FMN1: variants seen among roughly 807,000 people sequenced by gnomAD.
FMN1 encodes the protein formin-1.
In FMN1, 110 loss-of-function variants were observed where a neutral mutation model predicts 132.4. The observed-to-expected ratio is 0.83, with a 90% CI of 0.71 to 0.97. The LOEUF is 0.97. FMN1 is among the 50% of genes least tolerant of loss of function. FMN1 has a pLI of 0.00. For synonymous variants in FMN1, 722 were observed against 651.7 expected (o/e 1.11, Z -1.64); for missense variants, 1,792 against 1,705.3 (o/e 1.05, Z -0.90).
chr15:33,091,408 G>C (rs1420175584), intron 4 of FMN1, among the ~76,000 whole-genome samples: 1 of 152,042 alleles, frequency 6.6e-6, no homozygotes. Context: ...CAATGTCAAG[G>C]TGAAAGTTAT....
At chr15:33,183,115 T>C (rs774418945) in intron 2 of FMN1, among the ~76,000 whole-genome samples, 3 of 152,236 alleles carry the variant, frequency 2.0e-5, no homozygotes, top group Non-Finnish European at 4.4e-5. Context: ...CTCTTTCCTC[T>C]ATTACTTCCA....
chr15:33,174,554 C>T (rs1404335511), intron 3 of FMN1, among the ~76,000 whole-genome samples: 2 of 152,176 alleles, frequency 1.3e-5, no homozygotes, highest in African/African-American at 2.4e-5. Flanking sequence ...ATAAATTTTT[C>T]GTTTCAAATA....
At chr15:32,810,850 GT>G (rs1172661072) in intron 17 of FMN1, 1 of 408,794 alleles carries the variant, frequency 2.4e-6, no homozygotes, top group Non-Finnish European at 4.9e-6. Flanking sequence ...ATATACCATG[GT>G]TTATGGACCT....
intron 5 of FMN1, chr15:33,066,423 C>A: frequency 9.2e-7 from 1 of 1,081,518 alleles, no homozygotes; most frequent in Non-Finnish European, 1.3e-6. Context: ...CACTAACAGG[C>A]AACTAGGATT....
intron 9 of FMN1, among the ~76,000 whole-genome samples, chr15:32,954,180 T>TA (rs1238534186): frequency 6.6e-6 from 1 of 152,166 alleles, no homozygotes; most frequent in East Asian, 1.9e-4. Flanking sequence ...CCCCACTACA[T>TA]AAAAAACTTG....
chr15:32,789,961 G>GT (rs1356073817), intron 19 of FMN1, among the ~76,000 whole-genome samples: 1 of 152,210 alleles, frequency 6.6e-6, no homozygotes, highest in Non-Finnish European at 1.5e-5. Flanking sequence ...CTAGGTTTGT[G>GT]TAAGTACACT....
In FMN1 at chr15:33,140,101, C is replaced by A. The variant is rs7181996; in HGVS notation, c.1867+12947G>T. ...GATTAAAAATAAATCCTGATGATGC[C>A]ACTAAGCAGCAATATCCCTGAAAGA... On this transcript the variant is annotated intron_variant, in intron 4 of 20. Transcript: ENST00000616417. Among the ~76,000 whole-genome samples, 568 of 151,654 alleles carry A rather than the reference C, an allele frequency of 3.7e-3. 4 individuals are homozygous for A. Among genetic ancestry groups the A allele is most frequent in the African/African-American group, 0.013 (541 of 41,272 alleles).
intron 17 of FMN1, among the ~76,000 whole-genome samples, chr15:32,813,472 T>C (rs2057955665): frequency 6.6e-6 from 1 of 152,210 alleles, no homozygotes; most frequent in Non-Finnish European, 1.5e-5. Flanking sequence ...TGCCCCAAGG[T>C]AAGTCTTTCA....
At chr15:32,777,004 T>C in intron 19 of FMN1, 85 bp from the exon 20 acceptor site, 1 of 791,690 alleles carries the variant, frequency 1.3e-6, no homozygotes, top group Non-Finnish European at 2.1e-6. Flanking sequence ...TTAAGGCAGG[T>C]TAAACATAAA....
At chr15:32,926,500 C>T (rs996479163) in intron 9 of FMN1, among the ~76,000 whole-genome samples, 5 of 152,176 alleles carry the variant, frequency 3.3e-5, no homozygotes, top group Admixed American at 6.5e-5. Flanking sequence ...CTAATACAAA[C>T]GCTAAATCTT....
At chr15:33,115,019 T>C (rs1045794977) in intron 4 of FMN1, among the ~76,000 whole-genome samples, 3 of 152,302 alleles carry the variant, frequency 2.0e-5, no homozygotes, top group Admixed American at 2.0e-4. Context: ...CATGTATTGA[T>C]TTTATAGAGT....
chr15:33,192,004 G>A (rs1404402559), intron 2 of FMN1, among the ~76,000 whole-genome samples: 1 of 152,174 alleles, frequency 6.6e-6, no homozygotes, highest in Non-Finnish European at 1.5e-5. Context: ...GTCCCAAAAA[G>A]AGATTATGAA....
chr15:33,011,843 G>T (rs147059684), intron 6 of FMN1, among the ~76,000 whole-genome samples: 372 of 152,240 alleles, frequency 2.4e-3, no homozygotes, highest in African/African-American at 8.0e-3. Context: ...GTTAAAAGGT[G>T]CTCCTTATTA....
chr15:33,104,976 T>TC (rs1453812407), intron 4 of FMN1, among the ~76,000 whole-genome samples: 1 of 152,082 alleles, frequency 6.6e-6, no homozygotes, highest in Non-Finnish European at 1.5e-5. Flanking sequence ...AATGACCCTC[T>TC]CCCTCTCCAA....
At chr15:33,134,869 G>T (rs1326765831) in intron 4 of FMN1, among the ~76,000 whole-genome samples, 1 of 152,158 alleles carries the variant, frequency 6.6e-6, no homozygotes, top group Non-Finnish European at 1.5e-5. Flanking sequence ...AGGCGTGGTG[G>T]CTTATGCCTG....
intron 10 of FMN1, among the ~76,000 whole-genome samples, chr15:32,914,000 A>G (rs1188532694): frequency 6.6e-6 from 1 of 152,138 alleles, no homozygotes; most frequent in East Asian, 1.9e-4. Flanking sequence ...GCTTCTTCCC[A>G]ATTTGACCCT....
chr15:32,867,787 G>A lies in FMN1; in HGVS notation c.3836-10680C>T, dbSNP rs112394812. Among the ~76,000 whole-genome samples the A allele has an allele frequency of 7.4e-3, 1,128 of 152,260 alleles. 18 individuals are homozygous for A. Among genetic ancestry groups the A allele is most frequent in the African/African-American group, 0.022 (904 of 41,558 alleles). ...ATTACAGGCGTGAGCCACCGCGCCCGGCCATCAGGATTTCTTTTCCACCTT... is the reference window on the plus strand; with the variant it reads ...ATTACAGGCGTGAGCCACCGCGCCCAGCCATCAGGATTTCTTTTCCACCTT... On this transcript the variant is annotated intron_variant, in intron 16 of 20. Transcript: ENST00000616417.
intron 2 of FMN1, among the ~76,000 whole-genome samples, chr15:33,191,551 T>TA (rs1473366202): frequency 1.3e-5 from 2 of 152,218 alleles, no homozygotes; most frequent in African/African-American, 4.8e-5. Context: ...AAAGCGTAGA[T>TA]AAGCACAGAA....
At chr15:33,070,818 T>C (rs2037969638) in intron 5 of FMN1, among the ~76,000 whole-genome samples, 1 of 152,234 alleles carries the variant, frequency 6.6e-6, no homozygotes, top group South Asian at 2.1e-4. Flanking sequence ...GCTCCACACA[T>C]ATTAACTCAC....
Sources: gnomAD v4.1 joint callset for allele counts (sites outside exome capture counted in the v4.1 genomes callset) on GRCh38, gnomAD v4.1.1 for gene constraint, MANE v1.5 for transcripts, NCBI Gene and HGNC (gene_info 2026-07-23, HGNC 2026-07-21) for gene names.